Variants in ANKRD12 observed in about 807,000 individuals in gnomAD.
The protein encoded by ANKRD12 is ankyrin repeat domain-containing protein 12.
In ANKRD12, 85 loss-of-function variants were observed where a neutral mutation model predicts 183.4. The observed-to-expected ratio is 0.46, with a 90% CI of 0.39 to 0.56. ANKRD12 has a LOEUF of 0.56. Ranked by LOEUF, ANKRD12 falls within the 20% of genes least tolerant of loss-of-function variation. The pLI is 0.00. For missense variants in ANKRD12, 2,405 were observed against 2,357.1 expected, an observed-to-expected ratio of 1.02 and a Z score of -0.42; for synonymous variants, 914 against 800.2, an observed-to-expected ratio of 1.14 and a Z score of -2.40.
At chr18:9,178,418 C>T (rs142195451) in intron 1 of ANKRD12, among the ~76,000 whole-genome samples, 9 of 152,074 alleles carry the variant, frequency 5.9e-5, no homozygotes, top group Non-Finnish European at 1.2e-4. Context: ...CAGTGAATTA[C>T]ATTGACAGAT....
rs1598563867 is a variant in ANKRD12 at position 9,208,906 on chromosome 18, T to C, written c.451+103T>C. The C allele has an allele frequency of 1.1e-5, 13 of 1,164,216 alleles. No homozygotes were observed. The East Asian group carries it at 3.4e-4, about 30-fold the overall frequency. The allele number at this position is 1,164,216 out of a possible 1,614,324, so 72.1% of individuals were successfully genotyped here. A position where few individuals can be genotyped will look rare whatever the true frequency, so the allele number is the denominator to read the frequency against. On this transcript the variant is annotated intron_variant, in intron 5 of 12. Coordinates refer to ENST00000262126, the MANE Select transcript of ANKRD12 (RefSeq NM_015208.5). ...TTAACTACTTTTAATTTTTATTCTT[T>C]CTTGGATTTAATCAGAATTACTTGT... is the stretch of plus-strand genomic sequence containing the variant.
At chr18:9,182,031 G>A (rs1423212142) in intron 1 of ANKRD12, among the ~76,000 whole-genome samples, 1 of 152,158 alleles carries the variant, frequency 6.6e-6, no homozygotes, top group Non-Finnish European at 1.5e-5. Flanking sequence ...CTTCAGAAAT[G>A]ACTTCCAAAC....
intron 8 of ANKRD12, among the ~76,000 whole-genome samples, chr18:9,244,509 A>G (rs1236632125): frequency 6.6e-6 from 1 of 152,194 alleles, no homozygotes; most frequent in Non-Finnish European, 1.5e-5. Context: ...TGATTAAAAA[A>G]AATCCAGAAT....
At chr18:9,222,173 C>T (rs1450195565) in intron 8 of ANKRD12, among the ~76,000 whole-genome samples, 174 bp downstream of exon 8, 1 of 152,142 alleles carries the variant, frequency 6.6e-6, no homozygotes, top group East Asian at 1.9e-4. Context: ...TAGGTGTTTG[C>T]TACATATACC....
In ANKRD12 at chr18:9,223,344, C is replaced by T. The variant is rs2036529658; in HGVS notation, c.943+1345C>T. ...TCTCGGCTCACTGCAAGCTCCGCCT[C>T]CCGGGTTCATGCCATTCTCCTGCCT... On this transcript the variant is annotated intron_variant, in intron 8 of 12. Coordinates refer to ENST00000262126, the MANE Select transcript of ANKRD12 (RefSeq NM_015208.5). Among the ~76,000 whole-genome samples the T allele has an allele frequency of 2.6e-5, 4 of 151,728 alleles. No homozygotes were observed. The South Asian group carries it at 8.3e-4, about 31-fold the overall frequency.
chr18:9,234,971 G>C (rs1410878115), intron 8 of ANKRD12, among the ~76,000 whole-genome samples: 2 of 152,120 alleles, frequency 1.3e-5, no homozygotes, highest in Non-Finnish European at 2.9e-5. Flanking sequence ...TAGGCTGCTT[G>C]GTTCCTTCCC....
At chr18:9,277,231 G>T (rs2039883521) in intron 11 of ANKRD12, among the ~76,000 whole-genome samples, 1 of 151,890 alleles carries the variant, frequency 6.6e-6, no homozygotes, top group Non-Finnish European at 1.5e-5. Flanking sequence ...TAAGGTGGGA[G>T]GATCGATTAA....
intron 8 of ANKRD12, among the ~76,000 whole-genome samples, chr18:9,241,374 G>A (rs1567954910): frequency 6.6e-6 from 1 of 152,006 alleles, no homozygotes; most frequent in South Asian, 2.1e-4. Context: ...TTTAAATGAC[G>A]TCTTAGTAGC....
At chr18:9,211,865 T>G (rs1598574325) in intron 6 of ANKRD12, 81 bp downstream of exon 6, 3 of 1,238,594 alleles carry the variant, frequency 2.4e-6, no homozygotes, top group Middle Eastern at 2.5e-4. Flanking sequence ...TACATTCTTT[T>G]ATTCATTTTG....
At chr18:9,169,100 T>C (rs977603415) in intron 1 of ANKRD12, among the ~76,000 whole-genome samples, 2 of 152,168 alleles carry the variant, frequency 1.3e-5, no homozygotes, top group Admixed American at 1.3e-4. Context: ...TGTTATAATT[T>C]CTGTTCTTTT....
rs568993193 is a variant in ANKRD12 at position 9,153,615 on chromosome 18, C to G, written c.-52+16650C>G. 4.6e-5 allele frequency among the ~76,000 whole-genome samples: 7 copies of G among 152,204 alleles called. No individual in the cohort carries two copies. In the South Asian group the frequency reaches 1.0e-3, roughly 23 times the overall value. On this transcript the variant is annotated intron_variant, in intron 1 of 12. Transcript: ENST00000262126. ...ACCTTTTCTTATTTGGGGGAAATTA[C>G]TGGTCATTTTTTCAAATATTTTGTT...
At chr18:9,270,606 G>A (rs2039547248) in intron 10 of ANKRD12, among the ~76,000 whole-genome samples, 1 of 152,074 alleles carries the variant, frequency 6.6e-6, no homozygotes, top group African/African-American at 2.4e-5. Flanking sequence ...CACACACCAG[G>A]GCCTGTTGTG....
At chr18:9,271,252 T>A (rs927070664) in intron 10 of ANKRD12, among the ~76,000 whole-genome samples, 1 of 152,048 alleles carries the variant, frequency 6.6e-6, no homozygotes, top group African/African-American at 2.4e-5. Flanking sequence ...TTTAAAAAAA[T>A]TTTTGCCAGG....
intron 8 of ANKRD12, among the ~76,000 whole-genome samples, chr18:9,233,912 A>T (rs564676867): frequency 6.6e-6 from 1 of 152,288 alleles, no homozygotes; most frequent in South Asian, 2.1e-4. Context: ...TAGCTTACTT[A>T]GATGCCAGTA....
chr18:9,171,945 G>T (rs984638978), intron 1 of ANKRD12, among the ~76,000 whole-genome samples: 1 of 151,678 alleles, frequency 6.6e-6, no homozygotes, highest in Admixed American at 6.6e-5. Context: ...ACTTGAACCC[G>T]GGAGGTGGAG....
rs770497705 is a variant in ANKRD12 at position 9,258,527 on chromosome 18, T to A, written c.5260T>A (p.Cys1754Ser). 5 of 1,613,776 alleles carry A rather than the reference T, an allele frequency of 3.1e-6. No individual in the cohort carries two copies. Among genetic ancestry groups the A allele is most frequent in the Non-Finnish European group, 4.2e-6 (5 of 1,179,938 alleles). The change falls in exon 9 of 13, where the codon TGT becomes AGT. Residue 1754 changes from cysteine (C) to serine (S), a missense_variant. By Grantham distance (112) the Cys-to-Ser change is moderately radical. Coordinates refer to ENST00000262126, the MANE Select transcript of ANKRD12 (RefSeq NM_015208.5). ...TCAAAGCAAACAGATTCTTGCTAGC[T>A]GTACACTATTATCAGAAAAAGACAG... Reference protein sequence around the residue: ...ANQSKQILASCTLLSEKDSES... With the variant: ...ANQSKQILASSTLLSEKDSES...
chr18:9,172,087 C>T (rs1402690820), intron 1 of ANKRD12, among the ~76,000 whole-genome samples: 1 of 149,074 alleles, frequency 6.7e-6, no homozygotes, highest in Non-Finnish European at 1.5e-5. Context: ...AGTAGGGTTT[C>T]CACTGAGAGG....
chr18:9,240,512 A>G (rs1386224584), intron 8 of ANKRD12, among the ~76,000 whole-genome samples: 2 of 152,172 alleles, frequency 1.3e-5, no homozygotes, highest in African/African-American at 4.8e-5. Flanking sequence ...CCCCTCCCGC[A>G]TACTTACTGA....
In ANKRD12 at chr18:9,255,413, G is replaced by A. The variant is rs1253746309; in HGVS notation, c.2146G>A (p.Glu716Lys). The A allele has an allele frequency of 6.3e-7, 1 of 1,580,352 alleles. No individual in the cohort carries two copies. Among genetic ancestry groups the A allele is most frequent in the African/African-American group, 1.4e-5 (1 of 72,512 alleles). The change falls in exon 9 of 13, where the codon GAA becomes AAA. Residue 716 changes from glutamate (E) to lysine (K), a missense_variant. By Grantham distance (56) the Glu-to-Lys change is moderately conservative. This residue lies in a region of ANKRD12 where 1,983 missense variants were observed against 1,725.9 expected (regional missense o/e 1.15). Coordinates refer to ENST00000262126, the MANE Select transcript of ANKRD12 (RefSeq NM_015208.5). The part of the protein sequence containing the change: ...TEDLFLNMEH[E>K]SLTLEKKSKL... ...AGATCTCTTTTTAAATATGGAACAT[G>A]AATCCTTAACATTAGAAAAAAAATC...
Sources: gnomAD v4.1 joint callset for allele counts (sites outside exome capture counted in the v4.1 genomes callset) on GRCh38, gnomAD v4.1.1 for gene constraint, gnomAD v4.1.1 regional missense constraint, MANE v1.5 for transcripts, NCBI Gene and HGNC (gene_info 2026-07-23, HGNC 2026-07-21) for gene names.